ZBTB25: variants seen among roughly 807,000 people sequenced by gnomAD.
ZBTB25 encodes the protein zinc finger and BTB domain-containing protein 25.
Under a neutral mutation model 34.2 loss-of-function variants are expected in ZBTB25, and 20 were observed. The observed-to-expected ratio is 0.58, with a 90% CI of 0.41 to 0.85. ZBTB25 has a LOEUF of 0.85. ZBTB25 is among the 40% of genes least tolerant of loss of function. The pLI is 0.00. For synonymous variants in ZBTB25, 175 were observed against 186.4 expected, an observed-to-expected ratio of 0.94 and a Z score of 0.50; for missense variants, 437 against 521.8, an observed-to-expected ratio of 0.84 and a Z score of 1.58.
chr14:64,468,713 C>T lies in ZBTB25; in HGVS notation c.174-19075G>A, dbSNP rs367819379. ...AAAGCCATTGGAGGGTGAAATGCAA[C>T]CTGCAATAAATGCTGAGGATGCTGA... On this transcript the variant is annotated intron_variant, in intron 2 of 2. Coordinates refer to the ZBTB25 transcript ENST00000555220. The T allele has an allele frequency of 4.7e-5, 76 of 1,614,108 alleles. No individual in the cohort carries two copies. Among genetic ancestry groups the T allele is most frequent in the Non-Finnish European group, 6.4e-5 (76 of 1,180,020 alleles).
rs1333930739 is a variant in ZBTB25, at chr14:64,483,121, T to C, written c.*3802A>G. On this transcript the variant is annotated 3_prime_UTR_variant, in exon 3 of 3. Coordinates refer to ENST00000608382, the MANE Select transcript of ZBTB25 (RefSeq NM_006977.5). Reference sequence around the variant, plus strand: ...ATTTTAAGCTGACTCAAGGGGAAAATGTTTAGTATCTGCCTGATACACACG... The same window carrying C: ...ATTTTAAGCTGACTCAAGGGGAAAACGTTTAGTATCTGCCTGATACACACG... 1 of 152,230 alleles carries C rather than the reference T, an allele frequency of 6.6e-6. No homozygotes were observed. The highest frequency in any genetic ancestry group is 1.5e-5 in the Non-Finnish European group (1 of 68,038). The allele number at this position is 152,230 out of a possible 1,614,324, so 9.4% of individuals were successfully genotyped here.
chr14:64,485,064 A>C lies in ZBTB25; in HGVS notation c.*1859T>G. ...GCCTTTACTCACTTGTTTAAGGCAG[A>C]AACTCAACTGCCTTACACAATATCC... On this transcript the variant is annotated 3_prime_UTR_variant, in exon 3 of 3. Transcript: ENST00000608382. 1 of 985,462 alleles carries C rather than the reference A, an allele frequency of 1.0e-6. No individual in the cohort carries two copies. The highest frequency in any genetic ancestry group is 4.7e-5 in the South Asian group (1 of 21,288). The allele number at this position is 985,462 out of a possible 1,614,324, so 61.0% of individuals were successfully genotyped here. A position where few individuals can be genotyped will look rare whatever the true frequency, so the allele number is the denominator to read the frequency against.
chr14:64,487,502 A>G lies in ZBTB25; in HGVS notation c.729T>C (p.Cys243=). 6.2e-7 allele frequency: 1 copy of G among 1,614,150 alleles called. No individual in the cohort carries two copies. The change falls in exon 3 of 3, where the codon TGT becomes TGC. Residue 243 remains cysteine, a synonymous_variant. Transcript: ENST00000608382. ...TACTACGGGAATCAAAACGTTCCCCACAGTAATGGCATAAGTGTATTTTGA... is the reference window on the plus strand; with the variant it reads ...TACTACGGGAATCAAAACGTTCCCCGCAGTAATGGCATAAGTGTATTTTGA... ...NSVKIHLCHY[C]GERFDSRSNL...
At position 64,482,035 on chromosome 14, in the gene ZBTB25, ACTAT is replaced by A. The variant is rs1287862753; in HGVS notation, c.*4884_*4887del. 2.0e-5 allele frequency: 3 copies of A among 152,218 alleles called. No individual in the cohort carries two copies. Among genetic ancestry groups the A allele is most frequent in the African/African-American group, 7.2e-5 (3 of 41,454 alleles). The allele number at this position is 152,218 out of a possible 1,614,324, so 9.4% of individuals were successfully genotyped here. On this transcript the variant is annotated 3_prime_UTR_variant, in exon 3 of 3. Coordinates refer to ENST00000608382, the MANE Select transcript of ZBTB25 (RefSeq NM_006977.5). The stretch of plus-strand genomic sequence containing the variant: ...GTTAACGAAATTACACATTTTTCAC[ACTAT>A]CTTTTTCCACGATTAATATGTATTT...
intron 1 of ZBTB25, among the ~76,000 whole-genome samples, chr14:64,501,968 T>C (rs1454125473): frequency 6.6e-6 from 1 of 152,222 alleles, no homozygotes; most frequent in African/African-American, 2.4e-5. Flanking sequence ...CAAGATATAA[T>C]GCAAAACAGC....
intron 1 of ZBTB25, among the ~76,000 whole-genome samples, chr14:64,496,326 T>C (rs75060079): frequency 0.012 from 1,855 of 149,224 alleles, 37 homozygotes; most frequent in African/African-American, 0.044. Context: ...CTACTAAAAA[T>C]ACAAAAAAAA....
intron 2 of ZBTB25, among the ~76,000 whole-genome samples, chr14:64,489,816 G>A (rs2079015267): frequency 6.6e-6 from 1 of 151,768 alleles, no homozygotes; most frequent in Non-Finnish European, 1.5e-5. Context: ...TTACAGGCGT[G>A]AGCCATGGCG....
At chr14:64,477,761 T>G (rs144340706), downstream of ZBTB25, among the ~76,000 whole-genome samples, 540 of 152,318 alleles carry the variant, frequency 3.5e-3, 4 homozygotes, top group African/African-American at 0.013. Context: ...TGGACTAAGT[T>G]TCACATGGCT....
intron 2 of ZBTB25, among the ~76,000 whole-genome samples, chr14:64,463,964 C>T (rs962285732): frequency 5.9e-5 from 9 of 151,974 alleles, no homozygotes; most frequent in South Asian, 2.1e-4. Context: ...CAACAAGCAG[C>T]GCTAGCAACC....
intron 2 of ZBTB25, among the ~76,000 whole-genome samples, chr14:64,451,686 T>C (rs1306299252): frequency 6.6e-6 from 1 of 152,206 alleles, no homozygotes; most frequent in Non-Finnish European, 1.5e-5. Context: ...ATATGGACTT[T>C]AGAACCCATT....
At chr14:64,504,829 A>C (rs957272175), upstream of ZBTB25, 2 of 391,404 alleles carry the variant, frequency 5.1e-6, no homozygotes, top group Admixed American at 4.5e-5. Context: ...CCGAGCGCCG[A>C]GCGCCGCGCG....
At chr14:64,470,276 T>G (rs1442447203) in intron 2 of ZBTB25, 1 of 167,094 alleles carries the variant, frequency 6.0e-6, no homozygotes, top group Non-Finnish European at 1.5e-5. Context: ...GTGAGTGGTT[T>G]CCTAGTCTTA....
Position 64,468,777 on chromosome 14 carries a change from C to T in ZBTB25, c.174-19139G>A, listed in dbSNP as rs746267279. The T allele has an allele frequency of 8.1e-6, 13 of 1,614,138 alleles. No individual in the cohort carries two copies. The highest frequency in any genetic ancestry group is 1.0e-5 in the Non-Finnish European group (12 of 1,180,032). The stretch of plus-strand genomic sequence containing the variant: ...AAGGCAAAATCTAGACTTAAGATTC[C>T]CTGCATAAAATTCCCAAGAGGGCCA... On this transcript the variant is annotated intron_variant, in intron 2 of 2. Transcript: ENST00000555220.
intron 1 of ZBTB25, among the ~76,000 whole-genome samples, chr14:64,500,691 A>G (rs1436383578): frequency 1.3e-5 from 2 of 152,118 alleles, no homozygotes; most frequent in Non-Finnish European, 2.9e-5. Flanking sequence ...GCTACTTGGG[A>G]GGCTGAGGCA....
chr14:64,469,550 G>C, intron 2 of ZBTB25: 1 of 1,613,894 alleles, frequency 6.2e-7, no homozygotes, highest in Non-Finnish European at 8.5e-7. Context: ...TAGAACTTCA[G>C]AACAATATGA....
chr14:64,465,365 T>C (rs1261388768), intron 2 of ZBTB25: 1 of 152,020 alleles, frequency 6.6e-6, no homozygotes, highest in African/African-American at 2.4e-5. Context: ...TGCAGGTGGG[T>C]CCCGGCGCCC....
At chr14:64,459,537 G>A (rs1291471660) in intron 2 of ZBTB25, among the ~76,000 whole-genome samples, 1 of 152,174 alleles carries the variant, frequency 6.6e-6, no homozygotes, top group Admixed American at 6.5e-5. Context: ...CATGGCTCAC[G>A]GCTTGGTCTG....
intron 2 of ZBTB25, among the ~76,000 whole-genome samples, chr14:64,450,989 G>A (rs1314393573): frequency 6.6e-6 from 1 of 152,066 alleles, no homozygotes; most frequent in African/African-American, 2.4e-5. Context: ...CCAACATGGT[G>A]AAACCCCATC....
Position 64,486,071 on chromosome 14 carries a change from G to A in ZBTB25, c.*852C>T, listed in dbSNP as rs1017661506. ...TCCCAGCACTTTGGGAGGCCAAGGC[G>A]GGCAGATGACGAGGTCAGGAGATCG... On this transcript the variant is annotated 3_prime_UTR_variant, in exon 3 of 3. Coordinates refer to ENST00000608382, the MANE Select transcript of ZBTB25 (RefSeq NM_006977.5). The A allele has an allele frequency of 9.8e-5, 93 of 944,884 alleles. No homozygotes were observed. The Admixed American group carries it at 1.7e-3, about 18-fold the overall frequency. The allele number at this position is 944,884 out of a possible 1,614,324, so 58.5% of individuals were successfully genotyped here. A position where few individuals can be genotyped will look rare whatever the true frequency, so the allele number is the denominator to read the frequency against.
Sources: gnomAD v4.1 joint callset for allele counts (sites outside exome capture counted in the v4.1 genomes callset) on GRCh38, gnomAD v4.1.1 for gene constraint, MANE v1.5 for transcripts, NCBI Gene and HGNC (gene_info 2026-07-23, HGNC 2026-07-21) for gene names.